Variants in LAP3 observed in about 807,000 individuals in gnomAD.
LAP3 encodes the protein leucine aminopeptidase 3.
LAP3 carries 46 observed loss-of-function variants against 58.8 expected under a neutral mutation model. The ratio of observed to expected loss-of-function variants is 0.78; its 90% CI spans 0.62 to 1.00. The LOEUF (loss-of-function observed/expected upper bound fraction) is 1.00. Ranked by LOEUF, LAP3 falls within the 50% of genes least tolerant of loss-of-function variation. The pLI is 0.00. For missense variants in LAP3, 615 were observed against 659.1 expected (o/e 0.93, Z 0.73); for synonymous variants, 257 against 237.7 (o/e 1.08, Z -0.75).
intron 7 of LAP3, among the ~76,000 whole-genome samples, chr4:17,591,586 G>A (rs902580666): frequency 1.3e-5 from 2 of 152,210 alleles, no homozygotes; most frequent in African/African-American, 4.8e-5. Context: ...GTTTAGAGAA[G>A]GTTTCCTTGC....
chr4:17,598,418 C>A, intron 9 of LAP3, 38 bp from the exon 10 acceptor site: 1 of 1,441,908 alleles, frequency 6.9e-7, no homozygotes, highest in Non-Finnish European at 9.8e-7. Context: ...ATATTCTTTA[C>A]TTGCGCTGTC....
intron 7 of LAP3, among the ~76,000 whole-genome samples, chr4:17,592,664 A>C (rs1328510702): frequency 6.6e-6 from 1 of 152,182 alleles, no homozygotes; most frequent in Non-Finnish European, 1.5e-5. Context: ...TTTCACTTCT[A>C]CCATCAATGT....
Position 17,577,280 on chromosome 4 carries a change from T to G in LAP3, c.-186T>G. Reference sequence around the variant, plus strand: ...AGTCCCCTCCACAACCGCGGTTTGATCCCAGCGGTCCAGTCGGCCGGTGCT... The same window carrying G: ...AGTCCCCTCCACAACCGCGGTTTGAGCCCAGCGGTCCAGTCGGCCGGTGCT... On this transcript the variant is annotated 5_prime_UTR_variant, in exon 1 of 13. Coordinates refer to ENST00000226299, the MANE Select transcript of LAP3 (RefSeq NM_015907.3). 1 of 94,082 alleles carries G rather than the reference T, an allele frequency of 1.1e-5. No homozygotes were observed. The allele number at this position is 94,082 out of a possible 1,614,324, so 5.8% of individuals were successfully genotyped here.
chr4:17,583,704 G>A (rs1713427167), intron 5 of LAP3, 62 bp downstream of exon 5: 2 of 1,588,390 alleles, frequency 1.3e-6, no homozygotes, highest in African/African-American at 1.3e-5. Flanking sequence ...CTGGCTTTTG[G>A]GATATGAGCT....
chr4:17,583,428 C>T, intron 4 of LAP3, 55 bp from the exon 5 acceptor site: 5 of 1,600,090 alleles, frequency 3.1e-6, no homozygotes, highest in Non-Finnish European at 3.4e-6. Context: ...CTGCTGTCTG[C>T]TCTTTGAGTT....
intron 7 of LAP3, among the ~76,000 whole-genome samples, chr4:17,589,198 T>C (rs959082618): frequency 6.6e-6 from 1 of 151,998 alleles, no homozygotes; most frequent in Non-Finnish European, 1.5e-5. Flanking sequence ...GTAGCTGGGA[T>C]TACAGGCGTG....
chr4:17,588,089 G>A (rs781293861), intron 6 of LAP3, among the ~76,000 whole-genome samples: 4 of 152,150 alleles, frequency 2.6e-5, no homozygotes, highest in African/African-American at 4.8e-5. Flanking sequence ...GTGCTGTGGC[G>A]AGATCGTGGC....
Position 17,604,639 on chromosome 4 carries a change from C to A in LAP3, c.1232C>A (p.Ser411Ter). 3 of 1,613,502 alleles carry A rather than the reference C, an allele frequency of 1.9e-6. No homozygotes were observed. The highest frequency in any genetic ancestry group is 2.5e-6 in the Non-Finnish European group (3 of 1,179,476). Reference protein sequence around the residue: ...GSGATGVFTNSSWLWNKLFEA... With the variant: ...GSGATGVFTN ...GGTGCCACTGGGGTCTTTACCAATT[C>A]ATCCTGGCTCTGGAACAAACTCTTC... is the stretch of plus-strand genomic sequence containing the variant. Residue 411 changes from serine (S) to a stop codon, truncating the protein, a stop_gained, in exon 11 of 13, where the codon TCA becomes TAA. Coordinates refer to ENST00000226299, the MANE Select transcript of LAP3 (RefSeq NM_015907.3). LOFTEE classifies it high-confidence loss of function.
At chr4:17,602,696 T>C (rs1714009498) in intron 10 of LAP3, among the ~76,000 whole-genome samples, 1 of 152,106 alleles carries the variant, frequency 6.6e-6, no homozygotes, top group African/African-American at 2.4e-5. Context: ...AATAATTTTT[T>C]CTCTTTTTTT....
rs1285097231 is a variant in LAP3, at chr4:17,597,139, G to C, written c.1077+5G>C. ...AAAAACGGGAAGACCATCCAGGTTT[G>C]TAAATGTGAGACACAGCACTCCCCA... is the stretch of plus-strand genomic sequence containing the variant. On this transcript the variant is annotated splice_donor_5th_base_variant and intron_variant, in intron 9 of 12. Transcript: ENST00000226299. The C allele has an allele frequency of 6.2e-7, 1 of 1,612,740 alleles. No individual in the cohort carries two copies. Among genetic ancestry groups the C allele is most frequent in the African/African-American group, 1.3e-5 (1 of 74,904 alleles).
chr4:17,595,447 C>T lies in LAP3; in HGVS notation c.901C>T (p.Leu301Phe). 1.9e-6 allele frequency: 3 copies of T among 1,613,844 alleles called. No homozygotes were observed. Among genetic ancestry groups the T allele is most frequent in the African/African-American group, 1.3e-5 (1 of 74,996 alleles). ...ISIKASANMDLMRADMGGAAT... is the reference protein window; with the variant it reads ...ISIKASANMDFMRADMGGAAT... Reference sequence around the variant, plus strand: ...CATCAAGGCTTCTGCAAATATGGACCTCATGAGGGCTGACATGGGAGGAGC... The same window carrying T: ...CATCAAGGCTTCTGCAAATATGGACTTCATGAGGGCTGACATGGGAGGAGC... The change falls in exon 8 of 13, where the codon CTC (leucine) becomes TTC (phenylalanine). Residue 301 changes from leucine to phenylalanine, a missense_variant. Transcript: ENST00000226299.
chr4:17,597,202 C>T, intron 9 of LAP3, 68 bp downstream of exon 9: 1 of 1,303,760 alleles, frequency 7.7e-7, no homozygotes, highest in Non-Finnish European at 1.1e-6. Context: ...GGCCACATAA[C>T]CACAGCTAGG....
rs753584281 is a variant in LAP3 at position 17,588,957 on chromosome 4, G to T, written c.843G>T (p.Gly281=). ...ACGAACCACCCCTGGTGTTTGTTGG[G>T]AAAGGAATTACCTTTGACAGGTATT... is the stretch of plus-strand genomic sequence containing the variant. ...NANEPPLVFV[G]KGITFDSGGI... The change falls in exon 7 of 13, where the codon GGG becomes GGT. Residue 281 remains glycine (G), a synonymous_variant. Transcript: ENST00000226299. The T allele has an allele frequency of 5.0e-6, 8 of 1,613,972 alleles. No individual in the cohort carries two copies. The highest frequency in any genetic ancestry group is 6.8e-6 in the Non-Finnish European group (8 of 1,180,010).
intron 2 of LAP3, among the ~76,000 whole-genome samples, chr4:17,580,655 A>T (rs1258853887): frequency 6.6e-6 from 1 of 152,080 alleles, no homozygotes. Flanking sequence ...GATCCCTAGG[A>T]TAGTTAATAG....
Position 17,585,103 on chromosome 4 carries a change from A to G in LAP3, c.671A>G (p.Lys224Arg), listed in dbSNP as rs965877485. 8 of 1,613,836 alleles carry G rather than the reference A, an allele frequency of 5.0e-6. No homozygotes were observed. In the Admixed American group the frequency reaches 1.2e-4, roughly 24 times the overall value. ...RFAEIIEKNL[K>R]SASSKTEVHI... ...GCTGAAATTATTGAGAAGAATCTCA[A>G]AAGTGCTAGTAGTAAAACCGAGGTC... The change falls in exon 6 of 13, where the codon AAA (lysine) becomes AGA (arginine). Residue 224 changes from lysine (K) to arginine (R), a missense_variant. Transcript: ENST00000226299.
chr4:17,605,215 G>A (rs1714095528), intron 11 of LAP3, among the ~76,000 whole-genome samples: 1 of 151,866 alleles, frequency 6.6e-6, no homozygotes. Flanking sequence ...CCTGTCTTGA[G>A]GCAGCAGGTG....
At position 17,588,804 on chromosome 4, in the gene LAP3, C is replaced by G. The variant is rs201370735; in HGVS notation, c.705-15C>G. On this transcript the variant is annotated splice_polypyrimidine_tract_variant and intron_variant, in intron 6 of 12. Transcript: ENST00000226299. Reference sequence around the variant, plus strand: ...GTAACAGTATATTTACTTTTTCCCTCTTTCTACCCTATAGACCCAAGTCTT... The same window carrying G: ...GTAACAGTATATTTACTTTTTCCCTGTTTCTACCCTATAGACCCAAGTCTT... The G allele has an allele frequency of 6.2e-7, 1 of 1,602,276 alleles. No homozygotes were observed. Among genetic ancestry groups the G allele is most frequent in the Non-Finnish European group, 8.5e-7 (1 of 1,173,862 alleles).
rs773150110 is a variant in LAP3, at chr4:17,588,909, C to T, written c.795C>T (p.His265=). The part of the protein sequence containing the change: ...SDEPPVFLEI[H]YKGSPNANEP... Reference sequence around the variant, plus strand: ...AGCCCCCAGTCTTCTTGGAAATTCACTACAAAGGCAGCCCCAATGCAAACG... The same window carrying T: ...AGCCCCCAGTCTTCTTGGAAATTCATTACAAAGGCAGCCCCAATGCAAACG... The change falls in exon 7 of 13, where the codon CAC becomes CAT. Residue 265 remains histidine, a synonymous_variant. Coordinates refer to ENST00000226299, the MANE Select transcript of LAP3 (RefSeq NM_015907.3). 3 of 1,614,160 alleles carry T rather than the reference C, an allele frequency of 1.9e-6. No individual in the cohort carries two copies. The highest frequency in any genetic ancestry group is 2.5e-6 in the Non-Finnish European group (3 of 1,180,020).
At chr4:17,585,255 C>T in intron 6 of LAP3, 119 bp downstream of exon 6, 1 of 788,894 alleles carries the variant, frequency 1.3e-6, no homozygotes, top group Admixed American at 2.4e-5. Flanking sequence ...TTTGAGATGA[C>T]CCACTTGGGT....
Sources: gnomAD v4.1 joint callset for allele counts (sites outside exome capture counted in the v4.1 genomes callset) on GRCh38, gnomAD v4.1.1 for gene constraint, MANE v1.5 for transcripts, NCBI Gene and HGNC (gene_info 2026-07-23, HGNC 2026-07-21) for gene names.